Variants in ROBO1 observed in about 807,000 individuals in gnomAD.
The protein encoded by ROBO1 is roundabout guidance receptor 1.
ROBO1 carries 149 observed loss-of-function variants against 195.9 expected under a neutral mutation model. The observed-to-expected ratio is 0.76, with a 90% CI of 0.67 to 0.87. ROBO1 has a LOEUF of 0.87. Among genes scored for constraint, ROBO1 ranks in the 40% least tolerant of loss-of-function variants. The probability of loss-of-function intolerance (pLI) is 0.00; values close to 1 mark genes in which losing one functional copy is unlikely to be tolerated. For synonymous variants in ROBO1, 816 were observed against 733.2 expected (o/e 1.11, Z -1.82); for missense variants, 1,933 against 2,068.3 (o/e 0.93, Z 1.27).
chr3:78,897,882 G>T (rs890150468), intron 4 of ROBO1, among the ~76,000 whole-genome samples: 1 of 151,756 alleles, frequency 6.6e-6, no homozygotes, highest in Admixed American at 6.6e-5. Context: ...TTTGCATTTG[G>T]ATTTACGAAA....
intron 1 of ROBO1, among the ~76,000 whole-genome samples, chr3:79,704,054 T>C (rs1451037343): frequency 6.6e-6 from 1 of 151,940 alleles, no homozygotes; most frequent in Non-Finnish European, 1.5e-5. Flanking sequence ...TTTGTATTTT[T>C]TAATATTTAA....
chr3:79,018,286 T>C, intron 3 of ROBO1: 1 of 1,110,216 alleles, frequency 9.0e-7, no homozygotes, highest in South Asian at 1.4e-5. Context: ...CTAGCAGGAA[T>C]CGAGCCCCTC....
intron 5 of ROBO1, among the ~76,000 whole-genome samples, chr3:78,734,892 C>A (rs1018180752): frequency 1.3e-5 from 2 of 152,100 alleles, no homozygotes; most frequent in Non-Finnish European, 2.9e-5. Flanking sequence ...ACACACTGCA[C>A]CCCGACTATG....
chr3:78,926,086 G>C (rs75694873), intron 4 of ROBO1, among the ~76,000 whole-genome samples: 1 of 151,924 alleles, frequency 6.6e-6, no homozygotes, highest in African/African-American at 2.4e-5. Context: ...GGCCAGGCTG[G>C]TCTCAAACTC....
rs2078529701 is a variant in ROBO1, at chr3:79,043,594, C to CGACT, written c.172+81858_172+81861dup. On this transcript the variant is annotated intron_variant, in intron 3 of 30. Coordinates refer to ENST00000464233, the MANE Select transcript of ROBO1 (RefSeq NM_002941.4). ...TCTCAGATTCTGTATTTCTTGCAAA[C>CGACT]GACTGGTTTTAAGGGTAAGATTTAA... Among the ~76,000 whole-genome samples, 3 of 151,062 alleles carry CGACT rather than the reference C, an allele frequency of 2.0e-5. No homozygotes were observed. The South Asian group carries it at 6.2e-4, about 31-fold the overall frequency.
chr3:78,987,437 A>G (rs1025088408), intron 3 of ROBO1, among the ~76,000 whole-genome samples: 1 of 152,168 alleles, frequency 6.6e-6, no homozygotes, highest in Non-Finnish European at 1.5e-5. Context: ...ATAAGAATGA[A>G]GAAGAGTGAA....
At chr3:78,615,270 T>C (rs558112611) in intron 27 of ROBO1, among the ~76,000 whole-genome samples, 3 of 152,312 alleles carry the variant, frequency 2.0e-5, no homozygotes, top group Middle Eastern at 3.4e-3. Context: ...TAAACATATA[T>C]TTATAGTATA....
At chr3:78,640,638 A>G (rs974379551) in intron 21 of ROBO1, among the ~76,000 whole-genome samples, 2 of 152,188 alleles carry the variant, frequency 1.3e-5, no homozygotes, top group African/African-American at 4.8e-5. Flanking sequence ...TTTACTGTGC[A>G]TTGGGAATGC....
intron 3 of ROBO1, among the ~76,000 whole-genome samples, chr3:79,058,581 A>G (rs1249700371): frequency 6.6e-6 from 1 of 151,916 alleles, no homozygotes; most frequent in Non-Finnish European, 1.5e-5. Flanking sequence ...CTTACCTCCA[A>G]CCTGACTGTT....
At chr3:79,137,983 T>C (rs916343988) in intron 2 of ROBO1, among the ~76,000 whole-genome samples, 13 of 152,108 alleles carry the variant, frequency 8.5e-5, no homozygotes, top group Middle Eastern at 6.8e-3. Flanking sequence ...CAGAATAAAA[T>C]AAAGTATTTA....
At chr3:79,365,980 C>G (rs917800186) in intron 2 of ROBO1, among the ~76,000 whole-genome samples, 2 of 151,868 alleles carry the variant, frequency 1.3e-5, no homozygotes, top group Non-Finnish European at 2.9e-5. Context: ...CCAGACTTCT[C>G]AGGACAGGGA....
intron 2 of ROBO1, among the ~76,000 whole-genome samples, chr3:79,402,304 A>G (rs1353974345): frequency 1.3e-5 from 2 of 151,960 alleles, no homozygotes; most frequent in Non-Finnish European, 2.9e-5. Flanking sequence ...ACTTATTATT[A>G]CAGACAATAA....
At chr3:79,002,213 T>C (rs866690021) in intron 3 of ROBO1, among the ~76,000 whole-genome samples, 1 of 152,042 alleles carries the variant, frequency 6.6e-6, no homozygotes, top group South Asian at 2.1e-4. Flanking sequence ...TGGAATGAAA[T>C]AGACAATATG....
intron 3 of ROBO1, among the ~76,000 whole-genome samples, chr3:79,069,419 C>T (rs925757790): frequency 5.9e-5 from 9 of 151,966 alleles, no homozygotes; most frequent in African/African-American, 2.2e-4. Context: ...TCCTCTAATT[C>T]TCTCTGCCCA....
chr3:79,531,870 T>C (rs780641821), intron 2 of ROBO1, among the ~76,000 whole-genome samples: 3 of 152,116 alleles, frequency 2.0e-5, no homozygotes, highest in Non-Finnish European at 2.9e-5. Context: ...TTTAAAAGCA[T>C]AAATCAAAAT....
At position 79,309,503 on chromosome 3, in the gene ROBO1, G is replaced by T. The variant is rs555634018; in HGVS notation, c.89-183964C>A. On this transcript the variant is annotated intron_variant, in intron 2 of 30. Transcript: ENST00000464233. ...GTCTGTAGTTCCAGCTACTTGGGTG[G>T]CTAAAGTGTGAGGATCATTTTTAGC... is the stretch of plus-strand genomic sequence containing the variant. Among the ~76,000 whole-genome samples, 98 of 152,174 alleles carry T rather than the reference G, an allele frequency of 6.4e-4. 1 individual carries two copies. The highest frequency in any genetic ancestry group is 1.4e-3 in the Non-Finnish European group (93 of 68,024).
chr3:79,361,930 A>AG (rs1441634466), intron 2 of ROBO1, among the ~76,000 whole-genome samples: 2 of 152,118 alleles, frequency 1.3e-5, no homozygotes, highest in East Asian at 3.8e-4. Flanking sequence ...AAGTTTTCCA[A>AG]GGTAGTAGCG....
chr3:79,602,018 A>G (rs1944354370), intron 1 of ROBO1, among the ~76,000 whole-genome samples: 1 of 151,956 alleles, frequency 6.6e-6, no homozygotes, highest in South Asian at 2.1e-4. Flanking sequence ...CCATGAGTAG[A>G]TTGTCCATTA....
At chr3:78,862,136 G>T (rs1457281408) in intron 4 of ROBO1, among the ~76,000 whole-genome samples, 2 of 152,164 alleles carry the variant, frequency 1.3e-5, no homozygotes, top group Non-Finnish European at 2.9e-5. Flanking sequence ...TAAAAGCAGA[G>T]AATTTTCTCT....
Sources: allele counts gnomAD v4.1 joint callset (sites outside exome capture counted in the v4.1 genomes callset), GRCh38; gene constraint gnomAD v4.1.1; transcripts MANE v1.5; gene names NCBI Gene and HGNC (gene_info 2026-07-23, HGNC 2026-07-21).